Variants in GRM8 observed in about 807,000 individuals in gnomAD.
The protein encoded by GRM8 is glutamate metabotropic receptor 8.
A neutral mutation model predicts 87.2 loss-of-function variants in GRM8; 47 were observed. The ratio of observed to expected loss-of-function variants is 0.54; its 90% CI spans 0.43 to 0.69. The LOEUF (loss-of-function observed/expected upper bound fraction) is 0.69. GRM8 is among the 30% of genes least tolerant of loss of function. The pLI is 0.00. For missense variants in GRM8, 1,019 were observed against 1,139.2 expected, an observed-to-expected ratio of 0.89 and a Z score of 1.52; for synonymous variants, 396 against 404.5, an observed-to-expected ratio of 0.98 and a Z score of 0.25.
At chr7:127,003,928 A>T (rs934893726) in intron 3 of GRM8, among the ~76,000 whole-genome samples, 18 of 151,710 alleles carry the variant, frequency 1.2e-4, no homozygotes, top group Non-Finnish European at 2.4e-4. Flanking sequence ...GTATCTGTAC[A>T]CTATTTATGA....
intron 3 of GRM8, among the ~76,000 whole-genome samples, chr7:127,089,160 AAG>A (rs1823809306): frequency 6.6e-6 from 1 of 152,212 alleles, no homozygotes; most frequent in Non-Finnish European, 1.5e-5. Flanking sequence ...GTGTCCTTAT[AAG>A]AGACAGAAAA....
intron 2 of GRM8, among the ~76,000 whole-genome samples, chr7:127,202,650 G>A (rs957514917): frequency 1.3e-5 from 2 of 151,920 alleles, no homozygotes; most frequent in Non-Finnish European, 2.9e-5. Flanking sequence ...ACTGGTAAAG[G>A]CTCTGAGACT....
intron 7 of GRM8, among the ~76,000 whole-genome samples, chr7:126,664,762 A>C (rs147785001): frequency 5.9e-4 from 90 of 152,272 alleles, no homozygotes; most frequent in Non-Finnish European, 1.0e-3. Context: ...TAAAAATAAC[A>C]ATCAATAACT....
intron 7 of GRM8, among the ~76,000 whole-genome samples, chr7:126,612,176 G>A (rs150355178): frequency 9.2e-5 from 14 of 152,222 alleles, no homozygotes; most frequent in Admixed American, 4.6e-4. Context: ...ATCATATTAC[G>A]TATTAACTAT....
intron 2 of GRM8, among the ~76,000 whole-genome samples, chr7:127,147,766 A>G (rs1828631965): frequency 1.3e-5 from 1 of 76,576 alleles, no homozygotes; most frequent in Admixed American, 9.2e-5. Context: ...ATATGTCAAG[A>G]CTTTACCATG....
At chr7:127,044,087 C>T (rs1818700565) in intron 3 of GRM8, among the ~76,000 whole-genome samples, 1 of 152,238 alleles carries the variant, frequency 6.6e-6, no homozygotes, top group Non-Finnish European at 1.5e-5. Context: ...CCCAGCAGCA[C>T]TGAGCTGGCT....
At chr7:126,557,149 TGG>T (rs1422038508) in intron 8 of GRM8, among the ~76,000 whole-genome samples, 2 of 152,174 alleles carry the variant, frequency 1.3e-5, no homozygotes. Flanking sequence ...CAACAGACAC[TGG>T]CAAGTGCAGA....
intron 6 of GRM8, among the ~76,000 whole-genome samples, chr7:126,859,757 C>T (rs756702512): frequency 7.2e-5 from 11 of 152,134 alleles, no homozygotes; most frequent in South Asian, 2.1e-4. Context: ...CTAAACAAAT[C>T]GTCCTTCTAT....
chr7:126,457,077 C>CG (rs1803335898), intron 9 of GRM8, among the ~76,000 whole-genome samples: 1 of 150,800 alleles, frequency 6.6e-6, no homozygotes, highest in Admixed American at 6.6e-5. Flanking sequence ...GTGTGTGTGC[C>CG]TGTGTGTGTG....
chr7:126,445,923 G>A lies in GRM8; in HGVS notation c.2677+203C>T, dbSNP rs113645755. 158 of 610,948 alleles carry A rather than the reference G, an allele frequency of 2.6e-4. 3 individuals carry two copies. Among genetic ancestry groups the A allele is most frequent in the African/African-American group, 2.5e-3 (134 of 54,212 alleles). 37.8% of individuals were successfully genotyped at this position (610,948 alleles called of 1,614,324 possible). The stretch of plus-strand genomic sequence containing the variant: ...TTTGTAAAAGAGATTTTGTGAGCAA[G>A]TTTGTACTCTGTAGAACAGCCGCTC... On this transcript the variant is annotated intron_variant, in intron 10 of 10. Coordinates refer to ENST00000339582, the MANE Select transcript of GRM8 (RefSeq NM_000845.3).
intron 7 of GRM8, among the ~76,000 whole-genome samples, chr7:126,724,945 C>A (rs1812799207): frequency 6.6e-6 from 1 of 152,128 alleles, no homozygotes; most frequent in African/African-American, 2.4e-5. Flanking sequence ...TAGCTGGAAA[C>A]AAATAGTACT....
chr7:126,884,306 G>A (rs1457159996), intron 6 of GRM8, among the ~76,000 whole-genome samples: 1 of 152,070 alleles, frequency 6.6e-6, no homozygotes, highest in African/African-American at 2.4e-5. Context: ...AATCACGGGG[G>A]AAAAATGAGC....
chr7:126,839,657 C>A (rs1483471404), intron 6 of GRM8, among the ~76,000 whole-genome samples: 2 of 152,044 alleles, frequency 1.3e-5, no homozygotes, highest in African/African-American at 4.8e-5. Context: ...TAGAAGAGAG[C>A]CACTGGGAAA....
chr7:127,107,908 C>G (rs1401168236), intron 2 of GRM8, among the ~76,000 whole-genome samples: 2 of 152,194 alleles, frequency 1.3e-5, no homozygotes, highest in Non-Finnish European at 2.9e-5. Flanking sequence ...AGCAGCAGAG[C>G]AATGTGCTTG....
intron 2 of GRM8, among the ~76,000 whole-genome samples, chr7:127,169,377 T>C (rs189206008): frequency 6.6e-6 from 1 of 152,280 alleles, no homozygotes; most frequent in East Asian, 1.9e-4. Flanking sequence ...CTATGATGGC[T>C]GAGAAAGGTG....
intron 7 of GRM8, among the ~76,000 whole-genome samples, chr7:126,615,517 T>C (rs36198256): frequency 0.32 from 48,691 of 152,036 alleles, 8,418 homozygotes; most frequent in East Asian, 0.43. Context: ...CAAATTCACA[T>C]ATAACAATAT....
At chr7:127,168,821 C>T (rs1439769245) in intron 2 of GRM8, among the ~76,000 whole-genome samples, 1 of 151,218 alleles carries the variant, frequency 6.6e-6, no homozygotes. Context: ...CACATGGACA[C>T]AGGAAGGGGA....
At chr7:126,846,831 G>A (rs1796746861) in intron 6 of GRM8, among the ~76,000 whole-genome samples, 1 of 152,066 alleles carries the variant, frequency 6.6e-6, no homozygotes, top group Non-Finnish European at 1.5e-5. Flanking sequence ...CAATTATTGA[G>A]TTCACTCTCT....
intron 3 of GRM8, among the ~76,000 whole-genome samples, chr7:127,054,591 G>A (rs762404703): frequency 2.0e-5 from 3 of 152,114 alleles, no homozygotes; most frequent in East Asian, 1.9e-4. Flanking sequence ...GGATGTTAGC[G>A]CAACTAGTAA....
Sources: allele counts gnomAD v4.1 joint callset (sites outside exome capture counted in the v4.1 genomes callset), GRCh38; gene constraint gnomAD v4.1.1; transcripts MANE v1.5; gene names NCBI Gene and HGNC (gene_info 2026-07-23, HGNC 2026-07-21).